The following OVCH1 variants were observed in gnomAD, a reference collection of about 807,000 sequenced individuals.
OVCH1 encodes the protein ovochymase-1.
A neutral mutation model predicts 138.4 loss-of-function variants in OVCH1; 139 were observed. The observed-to-expected ratio is 1.00, with a 90% CI of 0.87 to 1.16. OVCH1 has a LOEUF of 1.16. OVCH1 is among the 50% of genes most tolerant of loss of function. The probability of loss-of-function intolerance (pLI) is 0.00; values close to 1 mark genes in which losing one functional copy is unlikely to be tolerated. For synonymous variants in OVCH1, 453 were observed against 467.8 expected (o/e 0.97, Z 0.41); for missense variants, 1,367 against 1,357.9 (o/e 1.01, Z -0.11).
chr12:29,434,347 C>A (rs1458167859), intron 26 of OVCH1, among the ~76,000 whole-genome samples: 1 of 152,132 alleles, frequency 6.6e-6, no homozygotes, highest in Non-Finnish European at 1.5e-5. Flanking sequence ...TCTGCTCAAT[C>A]TTGTACTTCA....
At chr12:29,487,738 T>C (rs889567650) in exon 7 of OVCH1, 2 of 1,605,024 alleles carry the variant, frequency 1.2e-6, no homozygotes, top group Admixed American at 1.7e-5. Flanking sequence ...TCAGACACTT[T>C]GGAGAAAATG....
At chr12:29,407,079 T>G in the OVCH1 span, among the ~76,000 whole-genome samples, 2 of 152,038 alleles carry the variant, frequency 1.3e-5, no homozygotes, top group Non-Finnish European at 2.9e-5. Context: ...TTTTTTCATG[T>G]GTTTTTTGGC....
At chr12:29,491,911 C>A (rs1004854879) in intron 4 of OVCH1, among the ~76,000 whole-genome samples, 6 of 152,076 alleles carry the variant, frequency 3.9e-5, no homozygotes, top group African/African-American at 1.4e-4. Flanking sequence ...TATCACGTGG[C>A]AAGCACTCTT....
At chr12:29,446,498 T>C (rs1039725657) in intron 22 of OVCH1, among the ~76,000 whole-genome samples, 3 of 152,138 alleles carry the variant, frequency 2.0e-5, no homozygotes, top group African/African-American at 7.2e-5. Context: ...TATTACAGTC[T>C]TGCTCTTATC....
At chr12:29,441,664 TAAC>T (rs962463542) in intron 25 of OVCH1, among the ~76,000 whole-genome samples, 21 of 152,044 alleles carry the variant, frequency 1.4e-4, no homozygotes, top group Admixed American at 2.6e-4. Flanking sequence ...CAAAAGAAAC[TAAC>T]ATCAGATTGA....
intron 6 of OVCH1, 110 bp downstream of exon 6, chr12:29,489,510 A>G: frequency 7.9e-7 from 1 of 1,262,232 alleles, no homozygotes; most frequent in Non-Finnish European, 1.1e-6. Context: ...ATGAAGGGAA[A>G]AAGAATTTTG....
exon 6 of OVCH1, chr12:29,489,713 C>T (rs376880639): frequency 7.1e-5 from 115 of 1,610,314 alleles, no homozygotes; most frequent in Middle Eastern, 5.0e-4. Flanking sequence ...CAGTATTACA[C>T]GCTCTGTCAT....
intron 14 of OVCH1, among the ~76,000 whole-genome samples, 156 bp from the exon 15 acceptor site, chr12:29,473,259 T>A (rs1385618403): frequency 6.6e-6 from 1 of 152,184 alleles, no homozygotes; most frequent in Non-Finnish European, 1.5e-5. Flanking sequence ...ATGTGATTTC[T>A]TGTATATCCG....
intron 19 of OVCH1, among the ~76,000 whole-genome samples, chr12:29,456,406 G>T (rs1421145800): frequency 6.6e-6 from 1 of 152,176 alleles, no homozygotes; most frequent in East Asian, 1.9e-4. Flanking sequence ...ATTTGGTCAT[G>T]ATGAAACACA....
chr12:29,454,601 C>T (rs758913664), intron 21 of OVCH1, among the ~76,000 whole-genome samples: 1 of 152,160 alleles, frequency 6.6e-6, no homozygotes, highest in African/African-American at 2.4e-5. Flanking sequence ...CTCCAATATT[C>T]AAGCACTGGT....
the OVCH1 span, among the ~76,000 whole-genome samples, chr12:29,402,661 AAGAGGGAGGTTGTTAATTGAAAAAAAAGT>A: frequency 6.1e-4 from 92 of 151,986 alleles, 1 homozygote; most frequent in East Asian, 0.015. Context: ...AAGAAAGGAG[AAGAGGGAGGTTGTTAATTGAAAAAAAAGT>A]AGAGGGATTG....
At chr12:29,455,453 C>T in intron 19 of OVCH1, 48 bp from the exon 20 acceptor site, 1 of 1,534,562 alleles carries the variant, frequency 6.5e-7, no homozygotes, top group South Asian at 1.3e-5. Context: ...TAATCTGAAG[C>T]TCCTGCTTTC....
At chr12:29,408,826 A>T (rs1940916095), downstream of OVCH1, among the ~76,000 whole-genome samples, 1 of 152,016 alleles carries the variant, frequency 6.6e-6, no homozygotes, top group Admixed American at 6.6e-5. Flanking sequence ...GCCTCATAAC[A>T]TGAGTTAGGG....
chr12:29,454,944 G>A lies in OVCH1; in HGVS notation c.2438-11C>T, dbSNP rs1282472208. On this transcript the variant is annotated splice_polypyrimidine_tract_variant and intron_variant, in intron 20 of 27. Transcript: ENST00000318184. ...GAAGTGAAGCAGGACCTGTATTTGG[G>A]GAGAACATGTTAAAAATAAAGATGA... is the stretch of plus-strand genomic sequence containing the variant. 4 of 1,589,122 alleles carry A rather than the reference G, an allele frequency of 2.5e-6. No individual in the cohort carries two copies. In the Admixed American group the frequency reaches 5.1e-5, roughly 20 times the overall value.
At chr12:29,473,646 C>G (rs768607951) in intron 14 of OVCH1, among the ~76,000 whole-genome samples, 1 of 152,026 alleles carries the variant, frequency 6.6e-6, no homozygotes, top group East Asian at 1.9e-4. Context: ...TGGCTTCTAC[C>G]ACTCACCTCG....
At chr12:29,488,640 A>AAG (rs1555155738) in intron 6 of OVCH1, among the ~76,000 whole-genome samples, 5 of 150,642 alleles carry the variant, frequency 3.3e-5, no homozygotes, top group African/African-American at 1.2e-4. Context: ...AAAAAAAAAA[A>AAG]AAAGAAAGGA....
intron 5 of OVCH1, 137 bp from the exon 6 acceptor site, chr12:29,489,908 T>C (rs1943229511): frequency 1.0e-6 from 1 of 978,216 alleles, no homozygotes; most frequent in Non-Finnish European, 1.5e-6. Flanking sequence ...GTGAATCATA[T>C]TCACTTCTAA....
At chr12:29,444,670 G>A (rs1941567970) in intron 23 of OVCH1, among the ~76,000 whole-genome samples, 1 of 151,876 alleles carries the variant, frequency 6.6e-6, no homozygotes, top group South Asian at 2.1e-4. Context: ...CACAGGTCTA[G>A]AATAACATAT....
chr12:29,496,676 T>G lies in OVCH1; in HGVS notation c.65-2A>C. On this transcript the variant is annotated splice_acceptor_variant, in intron 1 of 27. Transcript: ENST00000318184. LOFTEE classifies it high-confidence loss of function. ...CCATGCGAATTCCACACTTCAGTCC[T>G]GTGTAGAAGAGCATGTGTGTGTGCA... 1 of 1,596,812 alleles carries G rather than the reference T, an allele frequency of 6.3e-7. No individual in the cohort carries two copies. Among genetic ancestry groups the G allele is most frequent in the Non-Finnish European group, 8.6e-7 (1 of 1,165,908 alleles).
Sources: allele counts gnomAD v4.1 joint callset (sites outside exome capture counted in the v4.1 genomes callset), GRCh38; gene constraint gnomAD v4.1.1; transcripts MANE v1.5; gene names NCBI Gene and HGNC (gene_info 2026-07-23, HGNC 2026-07-21).